The following ZMIZ1 variants were observed in gnomAD, a reference collection of about 807,000 sequenced individuals.
ZMIZ1 encodes zinc finger MIZ domain-containing protein 1.
ZMIZ1 carries 17 observed loss-of-function variants against 113.9 expected under a neutral mutation model. That is an observed-to-expected ratio of 0.15 (90% CI 0.10 to 0.22). The LOEUF (loss-of-function observed/expected upper bound fraction) is 0.22, where lower values mean the gene tolerates loss of function less well. ZMIZ1 is among the 10% of genes least tolerant of loss of function. ZMIZ1 has a pLI of 1.00. For missense variants in ZMIZ1, 1,059 were observed against 1,477.8 expected (o/e 0.72, Z 4.65); for synonymous variants, 607 against 603.1 (o/e 1.01, Z -0.09).
chr10:79,118,055 C>A lies in ZMIZ1; in HGVS notation c.-336-860C>A, dbSNP rs1844133956. On this transcript the variant is annotated intron_variant, in intron 1 of 24. Coordinates refer to ENST00000334512, the MANE Select transcript of ZMIZ1 (RefSeq NM_020338.4). The surrounding 1 kb of genome is among the most constrained non-coding windows in gnomAD (Gnocchi z 4.1). ...GGGAGACAGCCACACAGCCTCCATC[C>A]CTGAGGAGATTTGGACTTCACTCCA... is the stretch of plus-strand genomic sequence containing the variant. Among the ~76,000 whole-genome samples the A allele has an allele frequency of 6.6e-6, 1 of 152,224 alleles. No individual in the cohort carries two copies. The highest frequency in any genetic ancestry group is 6.5e-5 in the Admixed American group (1 of 15,284).
intron 1 of ZMIZ1, among the ~76,000 whole-genome samples, chr10:79,109,023 G>A (rs934384138): frequency 6.6e-5 from 10 of 152,182 alleles, no homozygotes; most frequent in Non-Finnish European, 5.9e-5. Context: ...AGCCCAGCAC[G>A]CAGGTGTGTG....
intron 3 of ZMIZ1, among the ~76,000 whole-genome samples, chr10:79,155,552 G>A (rs527955932): frequency 2.6e-5 from 4 of 152,366 alleles, no homozygotes; most frequent in East Asian, 3.9e-4. Flanking sequence ...AGCCACGCAT[G>A]TGCACCACCA....
In ZMIZ1 at chr10:79,307,537, T is replaced by C. The variant is rs1248490130; in HGVS notation, c.2801T>C (p.Leu934Pro). ...GACATGCCCAACAACATGGCCGCCC[T>C]CGAGAAACCCCTCAGCCACCCCATG... ...PPDMPNNMAA[L>P]EKPLSHPMQE... Residue 934 changes from leucine to proline, a missense_variant, in exon 23 of 25, where the codon CTC becomes CCC. Leu to Pro is a moderately conservative substitution (Grantham distance 98). Transcript: ENST00000334512. The C allele has an allele frequency of 2.6e-6, 4 of 1,537,304 alleles. No individual in the cohort carries two copies. The highest frequency in any genetic ancestry group is 3.5e-6 in the Non-Finnish European group (4 of 1,147,320).
chr10:79,233,703 C>T (rs1275331082), intron 7 of ZMIZ1, among the ~76,000 whole-genome samples: 2 of 151,214 alleles, frequency 1.3e-5, no homozygotes, highest in African/African-American at 4.9e-5. Context: ...TGCTGGCCCA[C>T]AGCTCACCTT....
At chr10:79,179,310 C>G (rs1331736303) in intron 4 of ZMIZ1, among the ~76,000 whole-genome samples, 10 of 152,224 alleles carry the variant, frequency 6.6e-5, no homozygotes, top group African/African-American at 2.4e-4. Context: ...TGGGTTCTGT[C>G]TGGATCCCTA....
intron 1 of ZMIZ1, among the ~76,000 whole-genome samples, chr10:79,114,510 T>TGTGC (rs1274460454): frequency 7.0e-5 from 8 of 114,520 alleles, no homozygotes; most frequent in Non-Finnish European, 1.2e-4. Flanking sequence ...TGTGTGCGTG[T>TGTGC]GTGTGTGTGT....
intron 1 of ZMIZ1, among the ~76,000 whole-genome samples, chr10:79,091,718 G>T (rs531102127): frequency 6.6e-6 from 1 of 152,326 alleles, no homozygotes; most frequent in East Asian, 1.9e-4. Context: ...GTGTGCCTGT[G>T]GGGGTGCTGG....
Position 79,165,963 on chromosome 10 carries a change from T to TGCGCGCGCATGCGCGCGCGC in ZMIZ1, c.-50+3831_-50+3832insCGCGCGCATGCGCGCGCGCG, listed in dbSNP as rs1554860939. Among the ~76,000 whole-genome samples, 283 of 43,458 alleles carry TGCGCGCGCATGCGCGCGCGC rather than the reference T, an allele frequency of 6.5e-3. 9 individuals carry two copies. Among genetic ancestry groups the TGCGCGCGCATGCGCGCGCGC allele is most frequent in the Non-Finnish European group, 9.7e-3 (201 of 20,636 alleles). 28.5% of individuals were successfully genotyped at this position (43,458 alleles called of 152,430 possible). ...CCCAGCTCAGCTGTGTGTGTGTGTG[T>TGCGCGCGCATGCGCGCGCGC]GTGTGTGTGTGTGTGTGTGTGTGTG... On this transcript the variant is annotated intron_variant, in intron 4 of 24. Coordinates refer to ENST00000334512, the MANE Select transcript of ZMIZ1 (RefSeq NM_020338.4).
chr10:79,120,922 G>C (rs529113555), intron 2 of ZMIZ1, among the ~76,000 whole-genome samples: 1 of 152,272 alleles, frequency 6.6e-6, no homozygotes, highest in East Asian at 1.9e-4. Context: ...CTGTTGACTC[G>C]TGAGGAGTTG....
chr10:79,235,784 G>A (rs1001430747), intron 7 of ZMIZ1, among the ~76,000 whole-genome samples: 2 of 152,244 alleles, frequency 1.3e-5, no homozygotes, highest in South Asian at 2.1e-4. Context: ...ATGGGCAAGA[G>A]TCCTTTAGAA....
chr10:79,261,860 C>G (rs1180608017), intron 7 of ZMIZ1, among the ~76,000 whole-genome samples: 1 of 152,168 alleles, frequency 6.6e-6, no homozygotes. Flanking sequence ...GCAAAGAAAC[C>G]AAGGTGCACA....
chr10:79,144,331 C>CT (rs1189529424), intron 3 of ZMIZ1, among the ~76,000 whole-genome samples: 1 of 152,210 alleles, frequency 6.6e-6, no homozygotes, highest in Non-Finnish European at 1.5e-5. Flanking sequence ...AACCCATGCT[C>CT]TTATAATCCT....
At chr10:79,257,155 C>T (rs893127284) in intron 7 of ZMIZ1, among the ~76,000 whole-genome samples, 2 of 152,224 alleles carry the variant, frequency 1.3e-5, no homozygotes, top group African/African-American at 2.4e-5. Flanking sequence ...ATGTCAACTC[C>T]GCTCATCCCA....
intron 7 of ZMIZ1, among the ~76,000 whole-genome samples, chr10:79,267,923 A>G (rs1043522909): frequency 3.9e-5 from 6 of 152,128 alleles, no homozygotes; most frequent in African/African-American, 1.2e-4. Context: ...GCCCCTCCCA[A>G]GCCCTCACCA....
Position 79,281,975 on chromosome 10 carries a change from C to T in ZMIZ1, c.425+4650C>T, listed in dbSNP as rs544392535. Reference sequence around the variant, plus strand: ...TAGAAGAGGGTCATCTGTTCTGATCCACAGCTCACCTTTTTCCCATTTAAT... The same window carrying T: ...TAGAAGAGGGTCATCTGTTCTGATCTACAGCTCACCTTTTTCCCATTTAAT... On this transcript the variant is annotated intron_variant, in intron 8 of 24. Transcript: ENST00000334512. Among the ~76,000 whole-genome samples, 8 of 152,296 alleles carry T rather than the reference C, an allele frequency of 5.3e-5. No individual in the cohort carries two copies. The East Asian group carries it at 1.2e-3, about 22-fold the overall frequency.
rs545345939 is a variant in ZMIZ1 at position 79,314,665 on chromosome 10, C to G, written c.*1916C>G. The G allele has an allele frequency of 1.2e-5, 2 of 172,596 alleles. No individual in the cohort carries two copies. The highest frequency in any genetic ancestry group is 3.4e-4 in the East Asian group (2 of 5,824). The allele number at this position is 172,596 out of a possible 1,614,324, so 10.7% of individuals were successfully genotyped here. A position where few individuals can be genotyped will look rare whatever the true frequency, so the allele number is the denominator to read the frequency against. ...TTTTTAAAATACCTGGACTCAATGA[C>G]AAAGACCGAGTCTTCTTTTTTTTTA... On this transcript the variant is annotated 3_prime_UTR_variant, in exon 25 of 25. Transcript: ENST00000334512.
intron 1 of ZMIZ1, among the ~76,000 whole-genome samples, chr10:79,095,648 C>G (rs1170845256): frequency 6.6e-6 from 1 of 152,238 alleles, no homozygotes; most frequent in Non-Finnish European, 1.5e-5. Flanking sequence ...GCTTGGAACG[C>G]ACCTAACAAA....
intron 1 of ZMIZ1, among the ~76,000 whole-genome samples, chr10:79,070,566 C>G (rs965276663): frequency 6.6e-6 from 1 of 152,212 alleles, no homozygotes; most frequent in African/African-American, 2.4e-5. Flanking sequence ...CGGGGACAGC[C>G]GGTCGGCACT....
chr10:79,119,946 C>T (rs946034998), intron 2 of ZMIZ1, among the ~76,000 whole-genome samples: 1 of 145,310 alleles, frequency 6.9e-6, no homozygotes, highest in African/African-American at 2.5e-5. Flanking sequence ...AACTGCGGTG[C>T]AAGGGAAAGG....
Sources: allele counts gnomAD v4.1 joint callset (sites outside exome capture counted in the v4.1 genomes callset), GRCh38; gene constraint gnomAD v4.1.1; non-coding constraint Gnocchi (gnomAD v3.1); transcripts MANE v1.5; gene names NCBI Gene and HGNC (gene_info 2026-07-23, HGNC 2026-07-21).